TRAPPC9: variants seen among roughly 807,000 people sequenced by gnomAD.
TRAPPC9 encodes the protein IKK2 binding protein.
Under a neutral mutation model 124.0 loss-of-function variants are expected in TRAPPC9, and 83 were observed. The observed-to-expected ratio is 0.67, with a 90% CI of 0.56 to 0.80. The LOEUF (loss-of-function observed/expected upper bound fraction) is 0.80. TRAPPC9 is among the 30% of genes least tolerant of loss of function. The pLI, the probability that TRAPPC9 is intolerant of heterozygous loss-of-function variation, is 0.00. For missense variants in TRAPPC9, 1,302 were observed against 1,508.3 expected (o/e 0.86, Z 2.27); for synonymous variants, 638 against 617.5 (o/e 1.03, Z -0.49).
At chr8:140,239,167 C>T (rs1181439588) in intron 16 of TRAPPC9, among the ~76,000 whole-genome samples, 1 of 152,126 alleles carries the variant, frequency 6.6e-6, no homozygotes, top group Non-Finnish European at 1.5e-5. Context: ...TGTGAGGGCA[C>T]GGAGGGAAGC....
At chr8:140,181,235 A>G (rs2062194858) in intron 17 of TRAPPC9, among the ~76,000 whole-genome samples, 1 of 151,992 alleles carries the variant, frequency 6.6e-6, no homozygotes, top group East Asian at 1.9e-4. Context: ...GTTTTTGTTT[A>G]CTTCAACCAC....
At chr8:139,822,600 T>TGAGAGCC (rs1156419760) in intron 21 of TRAPPC9, among the ~76,000 whole-genome samples, 1 of 151,622 alleles carries the variant, frequency 6.6e-6, no homozygotes, top group Admixed American at 6.6e-5. Context: ...GAGTCTGACC[T>TGAGAGCC]GAGAGCCAAG....
In TRAPPC9 at chr8:139,940,610, G is replaced by A. The variant is rs543595061; in HGVS notation, c.2811-30310C>T. On this transcript the variant is annotated intron_variant, in intron 19 of 22. Coordinates refer to ENST00000438773, the MANE Select transcript of TRAPPC9 (RefSeq NM_001160372.4). ...CTGGGCTCAAAGGTGCAGAGGGGCC[G>A]GCAGGGACACAGGGCAGGGGCCACG... Among the ~76,000 whole-genome samples, 22 of 152,316 alleles carry A rather than the reference G, an allele frequency of 1.4e-4. No homozygotes were observed. The East Asian group carries it at 3.7e-3, about 25-fold the overall frequency.
chr8:140,366,185 T>C (rs34263018), intron 8 of TRAPPC9, among the ~76,000 whole-genome samples: 1 of 152,184 alleles, frequency 6.6e-6, no homozygotes, highest in Non-Finnish European at 1.5e-5. Flanking sequence ...GGCATTGAGG[T>C]TGATTCCATA....
chr8:140,022,112 C>T (rs2131909767), intron 18 of TRAPPC9, among the ~76,000 whole-genome samples: 1 of 152,156 alleles, frequency 6.6e-6, no homozygotes, highest in South Asian at 2.1e-4. Context: ...AAGTATGTGC[C>T]AGAGCAGTGG....
intron 17 of TRAPPC9, among the ~76,000 whole-genome samples, chr8:140,026,716 T>C (rs1362476361): frequency 2.6e-5 from 4 of 152,156 alleles, no homozygotes; most frequent in Non-Finnish European, 4.4e-5. Context: ...CTCCTATAGG[T>C]ATATTTCATG....
intron 21 of TRAPPC9, among the ~76,000 whole-genome samples, chr8:139,863,286 A>G (rs1828294546): frequency 6.6e-6 from 1 of 152,200 alleles, no homozygotes; most frequent in African/African-American, 2.4e-5. Flanking sequence ...CCTGAGCCCC[A>G]GGAAGCCCAG....
intron 15 of TRAPPC9, among the ~76,000 whole-genome samples, chr8:140,260,102 CT>C (rs1209117399): frequency 6.6e-6 from 1 of 152,146 alleles, no homozygotes; most frequent in African/African-American, 2.4e-5. Context: ...ATACATTACG[CT>C]TTTATAAACA....
chr8:139,730,784 A>G lies in TRAPPC9; in HGVS notation c.*277T>C, dbSNP rs1320002017. 1 of 492,566 alleles carries G rather than the reference A, an allele frequency of 2.0e-6. No homozygotes were observed. Among genetic ancestry groups the G allele is most frequent in the Non-Finnish European group, 3.7e-6 (1 of 271,882 alleles). 30.5% of individuals were successfully genotyped at this position (492,566 alleles called of 1,614,324 possible). On this transcript the variant is annotated 3_prime_UTR_variant, in exon 23 of 23. Transcript: ENST00000438773. ...GCAGGGATCCTGGGACCTGGGCTGG[A>G]TGGGCACCCGCTTTGGGATTTCCTC...
chr8:140,369,746 G>A (rs1203019276), intron 8 of TRAPPC9, among the ~76,000 whole-genome samples: 1 of 152,148 alleles, frequency 6.6e-6, no homozygotes, highest in African/African-American at 2.4e-5. Context: ...GAGGTCAGGA[G>A]TTTGAGACCA....
chr8:139,779,941 G>A (rs1027627732), intron 21 of TRAPPC9, among the ~76,000 whole-genome samples: 3 of 152,074 alleles, frequency 2.0e-5, no homozygotes, highest in Non-Finnish European at 2.9e-5. Flanking sequence ...ATGAAATACT[G>A]TGCTATAAAT....
chr8:140,147,833 A>G (rs1390224542), intron 17 of TRAPPC9, among the ~76,000 whole-genome samples: 1 of 152,254 alleles, frequency 6.6e-6, no homozygotes, highest in East Asian at 1.9e-4. Flanking sequence ...GCAAAGCAAC[A>G]CGGCGGCGGC....
At chr8:140,111,718 G>A (rs1275599553) in intron 17 of TRAPPC9, among the ~76,000 whole-genome samples, 1 of 152,252 alleles carries the variant, frequency 6.6e-6, no homozygotes. Flanking sequence ...AGGTAAAGCA[G>A]AAAGGAAAGA....
At chr8:139,861,319 T>C (rs558578369) in intron 21 of TRAPPC9, among the ~76,000 whole-genome samples, 1 of 152,254 alleles carries the variant, frequency 6.6e-6, no homozygotes, top group Admixed American at 6.5e-5. Flanking sequence ...TCTAAGCTAA[T>C]TCCGATTGGC....
chr8:140,315,025 A>G (rs2066406553), intron 9 of TRAPPC9, among the ~76,000 whole-genome samples: 1 of 152,210 alleles, frequency 6.6e-6, no homozygotes, highest in Non-Finnish European at 1.5e-5. Flanking sequence ...ACTGTTTAAC[A>G]TAATGGCCGT....
rs1270567100 is a variant in TRAPPC9 at position 139,960,930 on chromosome 8, G to A, written c.2810+27796C>T. On this transcript the variant is annotated intron_variant, in intron 19 of 22. Transcript: ENST00000438773. Reference sequence around the variant, plus strand: ...GTTGTTCGGTGGCTTAACCCCTAACGTTTTAGGATTTCCCTTCAGGGTCCA... The same window carrying A: ...GTTGTTCGGTGGCTTAACCCCTAACATTTTAGGATTTCCCTTCAGGGTCCA... Among the ~76,000 whole-genome samples, 3 of 125,366 alleles carry A rather than the reference G, an allele frequency of 2.4e-5. 1 individual carries two copies. The highest frequency in any genetic ancestry group is 5.3e-4 in the South Asian group (2 of 3,760). 82.2% of individuals were successfully genotyped at this position (125,366 alleles called of 152,430 possible).
chr8:139,955,528 A>C (rs960814870), intron 19 of TRAPPC9, among the ~76,000 whole-genome samples: 3 of 152,136 alleles, frequency 2.0e-5, no homozygotes, highest in Non-Finnish European at 4.4e-5. Context: ...CTCCAACCCC[A>C]CTGATGCAAA....
chr8:140,350,107 T>C (rs1429935404), intron 9 of TRAPPC9, among the ~76,000 whole-genome samples: 3 of 152,224 alleles, frequency 2.0e-5, no homozygotes, highest in African/African-American at 7.2e-5. Flanking sequence ...GCGGCAGCCT[T>C]GGTTAGGAAG....
chr8:139,858,317 G>A (rs780586810), intron 21 of TRAPPC9, among the ~76,000 whole-genome samples: 1 of 152,142 alleles, frequency 6.6e-6, no homozygotes, highest in Non-Finnish European at 1.5e-5. Flanking sequence ...CCTGACTTCC[G>A]CGATCATAAG....
Sources: gnomAD v4.1 joint callset for allele counts (sites outside exome capture counted in the v4.1 genomes callset) on GRCh38, gnomAD v4.1.1 for gene constraint, MANE v1.5 for transcripts, NCBI Gene and HGNC (gene_info 2026-07-23, HGNC 2026-07-21) for gene names.